TTC39C: variants seen among roughly 807,000 people sequenced by gnomAD.
The protein encoded by TTC39C is tetratricopeptide repeat protein 39C.
TTC39C carries 33 observed loss-of-function variants against 76.3 expected under a neutral mutation model. The observed-to-expected ratio is 0.43, with a 90% CI of 0.33 to 0.58. The LOEUF (loss-of-function observed/expected upper bound fraction) is 0.58. Among genes scored for constraint, TTC39C ranks in the 20% least tolerant of loss-of-function variants. The pLI, the probability that TTC39C is intolerant of heterozygous loss-of-function variation, is 0.04. For missense variants in TTC39C, 595 were observed against 701.4 expected (o/e 0.85, Z 1.71); for synonymous variants, 254 against 260.6 (o/e 0.97, Z 0.24).
chr18:24,104,683 G>GTTGTTT (rs2084722432), intron 6 of TTC39C, among the ~76,000 whole-genome samples: 1 of 84,754 alleles, frequency 1.2e-5, no homozygotes, highest in Non-Finnish European at 2.4e-5. Context: ...TAGGGAGCAG[G>GTTGTTT]GTGTTTGTGT....
Position 24,099,135 on chromosome 18 carries a change from TG to T in TTC39C, c.985-15418del, listed in dbSNP as rs1236609305. On this transcript the variant is annotated intron_variant, in intron 6 of 13. Coordinates refer to ENST00000317571, the MANE Select transcript of TTC39C (RefSeq NM_001135993.2). The stretch of plus-strand genomic sequence containing the variant: ...AAACGTGTGTGTGTGTGTGTGTGTG[TG>T]TGTGTGTATGTGTGTGTCTTAGTTT... The T allele has an allele frequency of 5.2e-4, 78 of 150,080 alleles. 1 individual carries two copies. Among genetic ancestry groups the T allele is most frequent in the African/African-American group, 1.9e-3 (78 of 40,892 alleles). 9.3% of individuals were successfully genotyped at this position (150,080 alleles called of 1,614,324 possible).
chr18:24,113,616 T>C (rs1209351693), intron 6 of TTC39C: 3 of 702,360 alleles, frequency 4.3e-6, no homozygotes, highest in Non-Finnish European at 7.8e-6. Context: ...CATGCACCGT[T>C]CAGAATAAGC....
chr18:24,126,105 T>C (rs943013225), intron 10 of TTC39C, among the ~76,000 whole-genome samples: 1 of 152,126 alleles, frequency 6.6e-6, no homozygotes, highest in Non-Finnish European at 1.5e-5. Flanking sequence ...GAAGATCACT[T>C]GAGCCCAGGA....
At chr18:24,014,648 G>T, upstream of TTC39C, 1 of 536,396 alleles carries the variant, frequency 1.9e-6, no homozygotes, top group Non-Finnish European at 2.6e-6. Context: ...AGTAATCCCC[G>T]CGGCGGCGGC....
chr18:24,031,398 G>C (rs887022755), intron 1 of TTC39C, among the ~76,000 whole-genome samples: 1 of 152,192 alleles, frequency 6.6e-6, no homozygotes, highest in Non-Finnish European at 1.5e-5. Flanking sequence ...CTGTTTTTAT[G>C]CTGAATAGTA....
At chr18:23,997,670 GA>G (rs749746187) in intron 1 of TTC39C, among the ~76,000 whole-genome samples, 5,630 of 81,084 alleles carry the variant, frequency 0.069, 213 homozygotes, top group Middle Eastern at 0.17. Flanking sequence ...AAGAAAGAAA[GA>G]AAGAAAGAAA....
chr18:24,025,316 C>T (rs560862114), intron 1 of TTC39C, among the ~76,000 whole-genome samples: 3 of 152,244 alleles, frequency 2.0e-5, no homozygotes, highest in Middle Eastern at 3.4e-3. Context: ...ATTTATTTGG[C>T]TTTAAATACA....
chr18:24,083,229 G>A, intron 6 of TTC39C, 148 bp downstream of exon 6: 1 of 827,940 alleles, frequency 1.2e-6, no homozygotes, highest in East Asian at 2.8e-5. Flanking sequence ...CTTTGCTAGG[G>A]AAGACTCTTC....
At chr18:24,025,508 TTG>T (rs1005378961) in intron 1 of TTC39C, among the ~76,000 whole-genome samples, 4 of 152,218 alleles carry the variant, frequency 2.6e-5, no homozygotes, top group Non-Finnish European at 5.9e-5. Context: ...AAGGAATATT[TTG>T]TGTTTCTACA....
chr18:24,083,827 G>T (rs777103609), intron 6 of TTC39C, among the ~76,000 whole-genome samples: 1 of 152,094 alleles, frequency 6.6e-6, no homozygotes, highest in African/African-American at 2.4e-5. Context: ...GAAACTATAA[G>T]AAATTAATCA....
Position 24,092,552 on chromosome 18 carries a change from G to A in TTC39C, c.984+9471G>A, listed in dbSNP as rs115307346. Among the ~76,000 whole-genome samples the A allele has an allele frequency of 2.7e-3, 404 of 152,292 alleles. 3 individuals carry two copies. The highest frequency in any genetic ancestry group is 9.2e-3 in the African/African-American group (382 of 41,560). ...TACAATGGAATATTATTCAGCAATAGAAAGGAATGAAGTACAGATACATAC... is the reference window on the plus strand; with the variant it reads ...TACAATGGAATATTATTCAGCAATAAAAAGGAATGAAGTACAGATACATAC... On this transcript the variant is annotated intron_variant, in intron 6 of 13. Coordinates refer to ENST00000317571, the MANE Select transcript of TTC39C (RefSeq NM_001135993.2).
Position 24,014,986 on chromosome 18 carries a change from A to G in TTC39C, c.115A>G (p.Met39Val), listed in dbSNP as rs1005127509. The change falls in exon 1 of 14, where the codon ATG becomes GTG. Residue 39 changes from methionine (M) to valine (V), a missense_variant. Met to Val is a conservative substitution (Grantham distance 21). Transcript: ENST00000317571. Reference protein sequence around the residue: ...DAELALAGINMLLNNGFRESD... With the variant: ...DAELALAGINVLLNNGFRESD... ...GGAGCTGGCCCTGGCCGGCATCAAC[A>G]TGCTGCTCAACAACGGCTTCAGGGA... The G allele has an allele frequency of 3.6e-5, 55 of 1,528,152 alleles. No individual in the cohort carries two copies. Among genetic ancestry groups the G allele is most frequent in the Non-Finnish European group, 4.6e-5 (52 of 1,137,726 alleles). 94.7% of individuals were successfully genotyped at this position (1,528,152 alleles called of 1,614,324 possible).
At chr18:24,029,343 C>T (rs527562149) in intron 1 of TTC39C, among the ~76,000 whole-genome samples, 5 of 152,292 alleles carry the variant, frequency 3.3e-5, no homozygotes, top group Non-Finnish European at 7.3e-5. Flanking sequence ...CCTAGGTAAT[C>T]CACCCACCTT....
intron 6 of TTC39C, among the ~76,000 whole-genome samples, chr18:24,092,102 A>ATAATAATAAT (rs1568434498): frequency 8.2e-6 from 1 of 122,178 alleles, no homozygotes; most frequent in African/African-American, 2.7e-5. Context: ...CAAAAAAAAA[A>ATAATAATAAT]AAAAAAAAAA....
chr18:24,079,821 A>G (rs1555774202), intron 4 of TTC39C, among the ~76,000 whole-genome samples: 2 of 73,530 alleles, frequency 2.7e-5, no homozygotes. Flanking sequence ...TTTTTTTTTG[A>G]GACAGGATCT....
Position 24,130,425 on chromosome 18 carries a change from C to CT in TTC39C, c.1623+10dup. 8.1e-7 allele frequency: 1 copy of CT among 1,228,232 alleles called. No homozygotes were observed. Among genetic ancestry groups the CT allele is most frequent in the South Asian group, 1.7e-5 (1 of 58,628 alleles). The allele number at this position is 1,228,232 out of a possible 1,614,324, so 76.1% of individuals were successfully genotyped here. A position where few individuals can be genotyped will look rare whatever the true frequency, so the allele number is the denominator to read the frequency against. ...CTATTAGACAAACCAGAGGTAAGATCTTATATATATAATATAATATATATT... is the reference window on the plus strand; with the variant it reads ...CTATTAGACAAACCAGAGGTAAGATCTTTATATATATAATATAATATATATT... On this transcript the variant is annotated intron_variant, in intron 12 of 13. Coordinates refer to ENST00000317571, the MANE Select transcript of TTC39C (RefSeq NM_001135993.2).
intron 1 of TTC39C, among the ~76,000 whole-genome samples, chr18:24,042,103 A>G (rs561721643): frequency 4.0e-4 from 61 of 152,318 alleles, no homozygotes; most frequent in Non-Finnish European, 7.9e-4. Context: ...ACCCATGTTG[A>G]TCTATGTTAT....
At chr18:24,061,833 G>A (rs2084105389) in intron 1 of TTC39C, among the ~76,000 whole-genome samples, 1 of 152,186 alleles carries the variant, frequency 6.6e-6, no homozygotes, top group Non-Finnish European at 1.5e-5. Flanking sequence ...GAACCTGGGA[G>A]GCGGATGTTG....
chr18:24,070,926 CTTTTTTG>C (rs1294867537), intron 4 of TTC39C, among the ~76,000 whole-genome samples: 1 of 151,938 alleles, frequency 6.6e-6, no homozygotes, highest in Non-Finnish European at 1.5e-5. Flanking sequence ...TATATCAGAA[CTTTTTTG>C]TTTTTTGTTT....
Sources: gnomAD v4.1 joint callset for allele counts (sites outside exome capture counted in the v4.1 genomes callset) on GRCh38, gnomAD v4.1.1 for gene constraint, MANE v1.5 for transcripts, NCBI Gene and HGNC (gene_info 2026-07-23, HGNC 2026-07-21) for gene names.